Variants in DCLK3 observed in about 807,000 individuals in gnomAD.
DCLK3 encodes the protein serine/threonine-protein kinase DCLK3.
Under a neutral mutation model 46.4 loss-of-function variants are expected in DCLK3, and 30 were observed. That is an observed-to-expected ratio of 0.65 (90% confidence interval 0.48 to 0.88). The LOEUF is 0.88. Ranked by LOEUF, DCLK3 falls within the 40% of genes least tolerant of loss-of-function variation. DCLK3 has a pLI of 0.00. For missense variants in DCLK3, 846 were observed against 907.1 expected (o/e 0.93, Z 0.87); for synonymous variants, 401 against 339.2 (o/e 1.18, Z -2.00).
intron 1 of DCLK3, among the ~76,000 whole-genome samples, chr3:36,740,558 CT>C (rs1701334054): frequency 1.3e-5 from 2 of 152,284 alleles, no homozygotes; most frequent in East Asian, 3.9e-4. Flanking sequence ...AGGTTCAGAG[CT>C]TAAATAATGA....
At position 36,713,392 on chromosome 3, in the gene DCLK3, A is replaced by G. The variant is rs1700936260; in HGVS notation, c.*1936T>C. 6.6e-6 allele frequency: 1 copy of G among 152,216 alleles called. No homozygotes were observed. Among genetic ancestry groups the G allele is most frequent in the Admixed American group, 6.5e-5 (1 of 15,284 alleles). 9.4% of individuals were successfully genotyped at this position (152,216 alleles called of 1,614,324 possible). ...TTCTCTTTTGGATTTAGTGAAATGA[A>G]GGTTACTGGTGTCTTTATCAAAATA... On this transcript the variant is annotated 3_prime_UTR_variant, in exon 5 of 5. Transcript: ENST00000636136.
At chr3:36,749,748 G>A (rs1701423514) in intron 1 of DCLK3, among the ~76,000 whole-genome samples, 1 of 152,182 alleles carries the variant, frequency 6.6e-6, no homozygotes, top group South Asian at 2.1e-4. Context: ...TCAGAAAGTG[G>A]TTTTTAAATG....
rs151063238 is a variant in DCLK3, at chr3:36,754,444, C to A, written c.82+9738G>T. ...ATTTTACATTAAACAGTCTGACCTG[C>A]CAGGCCTGTCTTTAACATTACTGAA... On this transcript the variant is annotated intron_variant, in intron 1 of 4. Coordinates refer to ENST00000636136, the MANE Select transcript of DCLK3 (RefSeq NM_001394672.2). 6.9e-3 allele frequency among the ~76,000 whole-genome samples: 1,056 copies of A among 152,286 alleles called. 17 individuals carry two copies. The highest frequency in any genetic ancestry group is 0.024 in the African/African-American group (1,007 of 41,560).
At chr3:36,716,476 T>C (rs59270904) in intron 4 of DCLK3, among the ~76,000 whole-genome samples, 3,115 of 152,186 alleles carry the variant, frequency 0.02, 97 homozygotes, top group African/African-American at 0.069. Context: ...CACTGCCACA[T>C]CACTCCCTCA....
chr3:36,733,690 A>G (rs890688488), intron 2 of DCLK3, among the ~76,000 whole-genome samples: 1 of 152,262 alleles, frequency 6.6e-6, no homozygotes, highest in African/African-American at 2.4e-5. Context: ...TCTTATAATT[A>G]AAACTTCTTT....
chr3:36,729,790 A>C (rs1212525142), intron 2 of DCLK3: 6 of 152,220 alleles, frequency 3.9e-5, no homozygotes, highest in Non-Finnish European at 8.8e-5. Context: ...GTCCATTTTC[A>C]ACTGGCTGTG....
intron 2 of DCLK3, among the ~76,000 whole-genome samples, chr3:36,727,317 G>A (rs1380893971): frequency 6.6e-6 from 1 of 152,070 alleles, no homozygotes; most frequent in East Asian, 1.9e-4. Context: ...AACAAATAAA[G>A]CATTTGGCTG....
At chr3:36,751,199 T>C (rs1701438946) in intron 1 of DCLK3, among the ~76,000 whole-genome samples, 1 of 151,864 alleles carries the variant, frequency 6.6e-6, no homozygotes, top group South Asian at 2.1e-4. Context: ...GGTTTTCCCC[T>C]AATTCAAAAG....
At chr3:36,734,308 C>T (rs1206885926) in intron 2 of DCLK3, among the ~76,000 whole-genome samples, 1 of 152,160 alleles carries the variant, frequency 6.6e-6, no homozygotes, top group East Asian at 1.9e-4. Flanking sequence ...AGACTTCTGA[C>T]ATAACAATAT....
intron 2 of DCLK3, among the ~76,000 whole-genome samples, chr3:36,733,484 T>C (rs1227323996): frequency 6.6e-6 from 1 of 152,236 alleles, no homozygotes; most frequent in African/African-American, 2.4e-5. Flanking sequence ...AGCCATCAGC[T>C]ATAAATAACC....
rs137903291 is a variant in DCLK3 at position 36,725,641 on chromosome 3, G to C, written c.1960-3982C>G. On this transcript the variant is annotated intron_variant, in intron 2 of 4. Coordinates refer to ENST00000636136, the MANE Select transcript of DCLK3 (RefSeq NM_001394672.2). Reference sequence around the variant, plus strand: ...CAAAATAAAAGAGGGGAGAATGGGAGTGACAGTTTCCAGCAAATAGGCTTA... The same window carrying C: ...CAAAATAAAAGAGGGGAGAATGGGACTGACAGTTTCCAGCAAATAGGCTTA... Among the ~76,000 whole-genome samples, 544 of 152,300 alleles carry C rather than the reference G, an allele frequency of 3.6e-3. 3 individuals carry two copies. Among genetic ancestry groups the C allele is most frequent in the African/African-American group, 0.012 (500 of 41,574 alleles).
At position 36,721,677 on chromosome 3, in the gene DCLK3, C is replaced by A. The variant is rs759602248; in HGVS notation, c.1960-18G>T. On this transcript the variant is annotated intron_variant, in intron 2 of 4. Coordinates refer to ENST00000636136, the MANE Select transcript of DCLK3 (RefSeq NM_001394672.2). ...CGCTGAACCTGTAAGAAACCAAAAT[C>A]CCCAAACCACCAAAATTGTGATTAG... 1 of 1,613,866 alleles carries A rather than the reference C, an allele frequency of 6.2e-7. No homozygotes were observed. Among genetic ancestry groups the A allele is most frequent in the African/African-American group, 1.3e-5 (1 of 75,002 alleles).
chr3:36,754,005 T>C (rs925711029), intron 1 of DCLK3, among the ~76,000 whole-genome samples: 1 of 152,220 alleles, frequency 6.6e-6, no homozygotes, highest in Non-Finnish European at 1.5e-5. Flanking sequence ...AATATGAGTA[T>C]GTATTCCTGT....
At position 36,738,500 on chromosome 3, in the gene DCLK3, A is replaced by C. The variant is rs201386784; in HGVS notation, c.667T>G (p.Cys223Gly). 7 of 1,505,538 alleles carry C rather than the reference A, an allele frequency of 4.6e-6. No homozygotes were observed. The highest frequency in any genetic ancestry group is 6.2e-6 in the Non-Finnish European group (7 of 1,127,630). The allele number at this position is 1,505,538 out of a possible 1,614,324, so 93.3% of individuals were successfully genotyped here. ...CTCTTGGGGGTCTCGGTCTCCCCACAGCGGTGGTCTCCTTTCAGAGCCTTG... is the reference window on the plus strand; with the variant it reads ...CTCTTGGGGGTCTCGGTCTCCCCACCGCGGTGGTCTCCTTTCAGAGCCTTG... ...FSKALKGDHR[C>G]GETETPKSCS... Residue 223 changes from cysteine to glycine, a missense_variant, in exon 2 of 5, where the codon TGT (cysteine) becomes GGT (glycine). Cys to Gly is a radical substitution (Grantham distance 159). Around this residue, in one of 3 missense-constraint regions of DCLK3, gnomAD observed 553 missense variants for 543.0 expected, o/e 1.02. Transcript: ENST00000636136.
Position 36,724,699 on chromosome 3 carries a change from G to A in DCLK3, c.1960-3040C>T, listed in dbSNP as rs1056725169. Among the ~76,000 whole-genome samples, 4 of 152,242 alleles carry A rather than the reference G, an allele frequency of 2.6e-5. No individual in the cohort carries two copies. The South Asian group carries it at 6.2e-4, about 24-fold the overall frequency. On this transcript the variant is annotated intron_variant, in intron 2 of 4. Coordinates refer to ENST00000636136, the MANE Select transcript of DCLK3 (RefSeq NM_001394672.2). ...CTTGCTCCTCCTTGCCTTCCACCAT[G>A]ATTGTGGGAAGGCCTCCCCAGCCAT...
At position 36,737,685 on chromosome 3, in the gene DCLK3, G is replaced by A; in HGVS notation, c.1482C>T (p.Pro494=). 1 of 1,613,626 alleles carries A rather than the reference G, an allele frequency of 6.2e-7. No homozygotes were observed. The change falls in exon 2 of 5, where the codon CCC becomes CCT. Residue 494 remains proline, a synonymous_variant. Coordinates refer to ENST00000636136, the MANE Select transcript of DCLK3 (RefSeq NM_001394672.2). The surrounding 1 kb of genome is among the most constrained non-coding windows in gnomAD (Gnocchi z 4.4). The part of the protein sequence containing the change: ...DDQPAKLEKE[P]KTRPEENKPE... ...GCTTGTTCTCTTCTGGCCTCGTCTTGGGCTCCTTTTCTAGCTTTGCAGGTT... is the reference window on the plus strand; with the variant it reads ...GCTTGTTCTCTTCTGGCCTCGTCTTAGGCTCCTTTTCTAGCTTTGCAGGTT...
Position 36,737,738 on chromosome 3 carries a change from C to A in DCLK3, c.1429G>T (p.Gly477Cys). The stretch of plus-strand genomic sequence containing the variant: ...TCATCTCTGAGAGTCATCCTTCTGC[C>A]TCCAGACATACATGGCTTTTTCTCC... ...EKEKKPCMSG[G>C]RRMTLRDDQP... The change falls in exon 2 of 5, where the codon GGC becomes TGC. Residue 477 changes from glycine to cysteine, a missense_variant. Transcript: ENST00000636136. The surrounding 1 kb of genome is among the most constrained non-coding windows in gnomAD (Gnocchi z 4.4). The A allele has an allele frequency of 6.2e-7, 1 of 1,614,186 alleles. No individual in the cohort carries two copies. The highest frequency in any genetic ancestry group is 1.3e-5 in the African/African-American group (1 of 75,044).
intron 1 of DCLK3, among the ~76,000 whole-genome samples, chr3:36,757,565 A>G (rs1701497168): frequency 6.6e-6 from 1 of 152,210 alleles, no homozygotes; most frequent in Non-Finnish European, 1.5e-5. Flanking sequence ...CACAATAGAA[A>G]AGCTAATAAA....
intron 4 of DCLK3, among the ~76,000 whole-genome samples, chr3:36,715,983 T>C (rs1225197278): frequency 6.6e-6 from 1 of 152,234 alleles, no homozygotes; most frequent in Non-Finnish European, 1.5e-5. Context: ...AAATCGAAAC[T>C]AACACATTGT....
Sources: allele counts gnomAD v4.1 joint callset (sites outside exome capture counted in the v4.1 genomes callset), GRCh38; gene constraint gnomAD v4.1.1; regional missense constraint gnomAD v4.1.1; non-coding constraint Gnocchi (gnomAD v3.1); transcripts MANE v1.5; gene names NCBI Gene and HGNC (gene_info 2026-07-23, HGNC 2026-07-21).